DPYD: variants seen among roughly 807,000 people sequenced by gnomAD.
DPYD encodes dihydropyrimidine dehydrogenase.
In DPYD, 109 loss-of-function variants were observed where a neutral mutation model predicts 116.2. The observed-to-expected ratio is 0.94, with a 90% CI of 0.80 to 1.10. The LOEUF (loss-of-function observed/expected upper bound fraction) is 1.10. DPYD is among the 50% of genes least tolerant of loss of function. The pLI, the probability that DPYD is intolerant of heterozygous loss-of-function variation, is 0.00. For missense variants in DPYD, 1,302 were observed against 1,254.5 expected, an observed-to-expected ratio of 1.04 and a Z score of -0.57; for synonymous variants, 440 against 432.0, an observed-to-expected ratio of 1.02 and a Z score of -0.23.
intron 18 of DPYD, among the ~76,000 whole-genome samples, chr1:97,301,589 TA>T (rs887462099): frequency 2.0e-5 from 3 of 151,582 alleles, no homozygotes; most frequent in Non-Finnish European, 2.9e-5. Flanking sequence ...TCCCCATTAA[TA>T]AAAAAAAGTT....
At chr1:97,255,336 T>C (rs1663377864) in intron 18 of DPYD, among the ~76,000 whole-genome samples, 1 of 152,154 alleles carries the variant, frequency 6.6e-6, no homozygotes, top group African/African-American at 2.4e-5. Context: ...GAGGGTGATA[T>C]GGTTTAGCTG....
intron 14 of DPYD, among the ~76,000 whole-genome samples, chr1:97,449,566 A>T (rs1295166046): frequency 6.6e-6 from 1 of 152,208 alleles, no homozygotes; most frequent in African/African-American, 2.4e-5. Flanking sequence ...TGGTTCTTTA[A>T]GAGAAAAAAA....
At chr1:97,169,219 T>G (rs1656541277) in intron 20 of DPYD, among the ~76,000 whole-genome samples, 1 of 152,200 alleles carries the variant, frequency 6.6e-6, no homozygotes, top group African/African-American at 2.4e-5. Context: ...TAGTTCTACC[T>G]ACTTTGTGTT....
rs558798588 is a variant in DPYD at position 97,206,758 on chromosome 1, T to C, written c.2443-13510A>G. Reference sequence around the variant, plus strand: ...TTTATGTTAATGTATGTTTTATATGTATGTGTGTATATGTTTTTAGGTTTA... The same window carrying C: ...TTTATGTTAATGTATGTTTTATATGCATGTGTGTATATGTTTTTAGGTTTA... On this transcript the variant is annotated intron_variant, in intron 19 of 22. Transcript: ENST00000370192. Among the ~76,000 whole-genome samples, 6 of 148,548 alleles carry C rather than the reference T, an allele frequency of 4.0e-5. No homozygotes were observed. The East Asian group carries it at 1.2e-3, about 29-fold the overall frequency.
intron 4 of DPYD, among the ~76,000 whole-genome samples, chr1:97,726,338 A>T (rs1663260421): frequency 6.6e-6 from 1 of 151,612 alleles, no homozygotes; most frequent in Non-Finnish European, 1.5e-5. Context: ...CATCTCCTTG[A>T]CCTGACTTTC....
At chr1:97,217,186 C>T (rs903653260) in intron 19 of DPYD, among the ~76,000 whole-genome samples, 48 of 152,022 alleles carry the variant, frequency 3.2e-4, no homozygotes, top group African/African-American at 1.1e-3. Context: ...CCAGCCTCGG[C>T]GACAGAGCAA....
chr1:97,832,041 T>C, intron 2 of DPYD, among the ~76,000 whole-genome samples: 1 of 94,504 alleles, frequency 1.1e-5, no homozygotes, highest in Non-Finnish European at 2.4e-5. Flanking sequence ...TAATATATAA[T>C]GTATTGTGTG....
intron 12 of DPYD, among the ~76,000 whole-genome samples, chr1:97,525,505 G>C (rs763529880): frequency 6.6e-6 from 1 of 152,072 alleles, no homozygotes; most frequent in Non-Finnish European, 1.5e-5. Context: ...ACTTGGCAGA[G>C]AGATACTCAA....
At chr1:97,581,429 A>C (rs2102211626) in intron 10 of DPYD, among the ~76,000 whole-genome samples, 1 of 151,442 alleles carries the variant, frequency 6.6e-6, no homozygotes, top group East Asian at 2.0e-4. Context: ...CATTTCACCT[A>C]GCAGTAGTGC....
chr1:97,309,426 C>A (rs1667365186), intron 16 of DPYD, among the ~76,000 whole-genome samples: 1 of 151,322 alleles, frequency 6.6e-6, no homozygotes, highest in African/African-American at 2.4e-5. Context: ...AAAGAAAGCT[C>A]TGAAGCAACA....
At chr1:97,673,349 T>C (rs961468928) in intron 8 of DPYD, among the ~76,000 whole-genome samples, 3 of 152,170 alleles carry the variant, frequency 2.0e-5, no homozygotes, top group Non-Finnish European at 4.4e-5. Context: ...CTACTTGGAA[T>C]AGTGTAATAC....
chr1:97,288,208 G>C (rs1665866582), intron 18 of DPYD, among the ~76,000 whole-genome samples: 2 of 150,222 alleles, frequency 1.3e-5, no homozygotes, highest in Admixed American at 1.3e-4. Context: ...GACCTACAAA[G>C]AGACTTAGAC....
chr1:97,637,145 A>G (rs1657614900), intron 8 of DPYD, among the ~76,000 whole-genome samples: 1 of 152,170 alleles, frequency 6.6e-6, no homozygotes, highest in Non-Finnish European at 1.5e-5. Context: ...GACTAAGAGT[A>G]CAGCTACCAT....
intron 19 of DPYD, among the ~76,000 whole-genome samples, chr1:97,218,307 A>C (rs1483357371): frequency 6.6e-6 from 1 of 152,160 alleles, no homozygotes; most frequent in East Asian, 1.9e-4. Context: ...ATGCATTAAG[A>C]ATGAGGAAAC....
chr1:97,800,406 T>C (rs759476265), intron 3 of DPYD, among the ~76,000 whole-genome samples: 6 of 151,902 alleles, frequency 3.9e-5, no homozygotes, highest in Non-Finnish European at 5.9e-5. Flanking sequence ...AAAATATCCA[T>C]GTCCACGGTG....
At chr1:97,677,214 T>C (rs1467770980) in intron 8 of DPYD, among the ~76,000 whole-genome samples, 1 of 152,248 alleles carries the variant, frequency 6.6e-6, no homozygotes, top group Non-Finnish European at 1.5e-5. Flanking sequence ...AATTTGGATA[T>C]TTCAATGTAT....
intron 3 of DPYD, among the ~76,000 whole-genome samples, chr1:97,746,004 GA>G: frequency 6.6e-6 from 1 of 150,846 alleles, no homozygotes; most frequent in Non-Finnish European, 1.5e-5. Context: ...TTTAGTTTAG[GA>G]AAAAAAAAGT....
At chr1:97,218,671 C>A (rs1385008973) in intron 19 of DPYD, among the ~76,000 whole-genome samples, 1 of 151,282 alleles carries the variant, frequency 6.6e-6, no homozygotes, top group African/African-American at 2.4e-5. Context: ...ACTCCATAAG[C>A]AATAAACTCA....
intron 16 of DPYD, among the ~76,000 whole-genome samples, chr1:97,338,608 G>C (rs1394485703): frequency 6.6e-6 from 1 of 152,140 alleles, no homozygotes; most frequent in Non-Finnish European, 1.5e-5. Context: ...GCAATAGGTA[G>C]GACAAAATGC....
Sources: gnomAD v4.1 joint callset for allele counts (sites outside exome capture counted in the v4.1 genomes callset) on GRCh38, gnomAD v4.1.1 for gene constraint, MANE v1.5 for transcripts, NCBI Gene and HGNC (gene_info 2026-07-23, HGNC 2026-07-21) for gene names.